NRXN3: variants seen among roughly 807,000 people sequenced by gnomAD.
The protein encoded by NRXN3 is neurexin 3.
NRXN3 carries 32 observed loss-of-function variants against 137.6 expected under a neutral mutation model. That is an observed-to-expected ratio of 0.23 (90% CI 0.18 to 0.31). NRXN3 has a LOEUF of 0.31. Ranked by LOEUF, NRXN3 falls within the 10% of genes least tolerant of loss-of-function variation. The probability of loss-of-function intolerance (pLI) is 1.00; values close to 1 mark genes in which losing one functional copy is unlikely to be tolerated. For missense variants in NRXN3, 1,574 were observed against 2,062.5 expected (o/e 0.76, Z 4.59); for synonymous variants, 798 against 784.5 (o/e 1.02, Z -0.29).
At chr14:78,648,493 AATGACCTTATTGAGTAATAAAG>A (rs1438795219) in intron 5 of NRXN3, among the ~76,000 whole-genome samples, 4 of 152,240 alleles carry the variant, frequency 2.6e-5, no homozygotes, top group Non-Finnish European at 5.9e-5. Flanking sequence ...TAAACAAATT[AATGACCTTATTGAGTAATAAAG>A]AAGATTCTAA....
chr14:79,431,134 G>T (rs966695695), intron 15 of NRXN3, among the ~76,000 whole-genome samples: 1 of 152,068 alleles, frequency 6.6e-6, no homozygotes, highest in African/African-American at 2.4e-5. Context: ...GTAAACTAAA[G>T]AAGGTCATTA....
At chr14:78,502,574 GT>G (rs2095900102) in intron 4 of NRXN3, among the ~76,000 whole-genome samples, 5 of 152,082 alleles carry the variant, frequency 3.3e-5, no homozygotes, top group African/African-American at 1.2e-4. Flanking sequence ...AGATGCACAA[GT>G]CTTGATAAAA....
rs932409328 is a variant in NRXN3 at position 79,865,191 on chromosome 14, C to T, written c.*3227C>T. The T allele has an allele frequency of 1.3e-5, 2 of 152,158 alleles. No individual in the cohort carries two copies. Among genetic ancestry groups the T allele is most frequent in the African/African-American group, 2.4e-5 (1 of 41,430 alleles). The allele number at this position is 152,158 out of a possible 1,614,324, so 9.4% of individuals were successfully genotyped here. ...TTAGATGTCTTCTTTCCAAGCCTCC[C>T]ACCATATTAAAATTTAAAATTAAAA... On this transcript the variant is annotated 3_prime_UTR_variant, in exon 21 of 21. Transcript: ENST00000335750.
chr14:79,748,052 G>C (rs2098985090), intron 19 of NRXN3, among the ~76,000 whole-genome samples: 1 of 151,970 alleles, frequency 6.6e-6, no homozygotes, highest in African/African-American at 2.4e-5. Context: ...GTCGGGGAGG[G>C]GGAGGGAGAG....
chr14:79,020,616 G>A (rs1363998497), intron 15 of NRXN3, among the ~76,000 whole-genome samples: 1 of 151,846 alleles, frequency 6.6e-6, no homozygotes, highest in Non-Finnish European at 1.5e-5. Context: ...CTGAGACTGC[G>A]GGTCAGGGTG....
Position 79,338,497 on chromosome 14 carries a change from C to G in NRXN3, c.3263-128724C>G, listed in dbSNP as rs1008671196. On this transcript the variant is annotated intron_variant, in intron 15 of 20. Coordinates refer to ENST00000335750, the MANE Select transcript of NRXN3 (RefSeq NM_001330195.2). ...CGAGAGCTCAGGCTTTAGAATCCCA[C>G]AGGTCTGGAATGAAATCTCAGCTCT... 2.6e-5 allele frequency among the ~76,000 whole-genome samples: 4 copies of G among 152,120 alleles called. No homozygotes were observed. The East Asian group carries it at 7.7e-4, about 29-fold the overall frequency.
chr14:78,466,976 C>A (rs942535598), intron 4 of NRXN3, among the ~76,000 whole-genome samples: 1 of 152,120 alleles, frequency 6.6e-6, no homozygotes, highest in African/African-American at 2.4e-5. Flanking sequence ...TGCACATGTA[C>A]CCCTGCACTT....
At position 79,470,967 on chromosome 14, in the gene NRXN3, T is replaced by A. The variant is rs865844934; in HGVS notation, c.3444+3565T>A. 2.0e-3 allele frequency among the ~76,000 whole-genome samples: 300 copies of A among 148,642 alleles called. 1 individual carries two copies. In the East Asian group the frequency reaches 0.032, roughly 16 times the overall value. ...GAGAGAGAGAGTGTGTGTGTGTGTG[T>A]GTGTGTGTGTGTGTGTGTGTGTGTG... On this transcript the variant is annotated intron_variant, in intron 16 of 20. Transcript: ENST00000335750.
intron 16 of NRXN3, among the ~76,000 whole-genome samples, chr14:79,480,308 A>ATATAAAAC (rs1355334663): frequency 6.6e-6 from 1 of 152,186 alleles, no homozygotes; most frequent in African/African-American, 2.4e-5. Context: ...TATCAGCAGT[A>ATATAAAAC]CTGGAGCTGG....
rs950941808 is a variant in NRXN3 at position 79,801,641 on chromosome 14, C to T, written c.4015-3471C>T. ...ATGTCTAGGGCCAGGCCCATTCTTACGACACACTGCTGGATCATTTCCCCT... is the reference window on the plus strand; with the variant it reads ...ATGTCTAGGGCCAGGCCCATTCTTATGACACACTGCTGGATCATTTCCCCT... On this transcript the variant is annotated intron_variant, in intron 19 of 20. Coordinates refer to ENST00000335750, the MANE Select transcript of NRXN3 (RefSeq NM_001330195.2). Among the ~76,000 whole-genome samples, 17 of 152,290 alleles carry T rather than the reference C, an allele frequency of 1.1e-4. No homozygotes were observed. The East Asian group carries it at 1.2e-3, about 10-fold the overall frequency.
chr14:78,730,902 T>A (rs1038182526), intron 8 of NRXN3, among the ~76,000 whole-genome samples: 1 of 152,180 alleles, frequency 6.6e-6, no homozygotes, highest in Admixed American at 6.5e-5. Context: ...CAGGCGGAGA[T>A]TGATGGTGGT....
chr14:79,279,352 A>T, intron 15 of NRXN3: 1 of 985,842 alleles, frequency 1.0e-6, no homozygotes, highest in Non-Finnish European at 1.2e-6. Flanking sequence ...TGACTTGCCC[A>T]TTTGTGAATT....
At chr14:78,579,087 G>A (rs573326677) in intron 4 of NRXN3, among the ~76,000 whole-genome samples, 1 of 152,208 alleles carries the variant, frequency 6.6e-6, no homozygotes, top group South Asian at 2.1e-4. Flanking sequence ...TGGACTCTAG[G>A]GACTCACGCT....
At chr14:78,941,413 C>A (rs2099352663) in intron 10 of NRXN3, among the ~76,000 whole-genome samples, 1 of 152,186 alleles carries the variant, frequency 6.6e-6, no homozygotes, top group African/African-American at 2.4e-5. Flanking sequence ...TCTCAAAATT[C>A]CCCTGCTGCC....
chr14:78,221,889 A>T (rs1567000233), intron 1 of NRXN3, among the ~76,000 whole-genome samples: 1 of 152,218 alleles, frequency 6.6e-6, no homozygotes, highest in Admixed American at 6.5e-5. Flanking sequence ...TCATGTGGCC[A>T]TGCCAGAATT....
intron 20 of NRXN3, among the ~76,000 whole-genome samples, chr14:79,820,257 C>T (rs1378954078): frequency 1.3e-5 from 2 of 152,252 alleles, no homozygotes; most frequent in African/African-American, 2.4e-5. Context: ...GAGTGGGCAC[C>T]ATATCTAGGA....
intron 4 of NRXN3, among the ~76,000 whole-genome samples, chr14:78,415,373 A>C (rs544811141): frequency 6.6e-6 from 1 of 152,340 alleles, no homozygotes; most frequent in African/African-American, 2.4e-5. Flanking sequence ...ACAAACTGTC[A>C]CAACATTTGG....
chr14:78,441,016 G>C (rs1187530965), intron 4 of NRXN3, among the ~76,000 whole-genome samples: 1 of 152,152 alleles, frequency 6.6e-6, no homozygotes, highest in Non-Finnish European at 1.5e-5. Context: ...TTGGCAGTCT[G>C]TCTGTCTGTC....
intron 16 of NRXN3, among the ~76,000 whole-genome samples, chr14:79,553,655 G>C (rs2097398362): frequency 6.6e-6 from 1 of 152,156 alleles, no homozygotes; most frequent in African/African-American, 2.4e-5. Flanking sequence ...GAGGAAGGTG[G>C]TGCTGACACC....
Sources: allele counts gnomAD v4.1 joint callset (sites outside exome capture counted in the v4.1 genomes callset), GRCh38; gene constraint gnomAD v4.1.1; transcripts MANE v1.5; gene names NCBI Gene and HGNC (gene_info 2026-07-23, HGNC 2026-07-21).